Variants in MTOR observed in about 807,000 individuals in gnomAD.
MTOR encodes the protein serine/threonine-protein kinase mTOR.
MTOR carries 70 observed loss-of-function variants against 319.8 expected under a neutral mutation model. That is an observed-to-expected ratio of 0.22 (90% CI 0.18 to 0.27). The LOEUF (loss-of-function observed/expected upper bound fraction) is 0.27, where lower values mean the gene tolerates loss of function less well. MTOR is among the 10% of genes least tolerant of loss of function. The probability of loss-of-function intolerance (pLI) is 1.00; values close to 1 mark genes in which losing one functional copy is unlikely to be tolerated. For missense variants in MTOR, 1,890 were observed against 3,274.4 expected (o/e 0.58, Z 10.32); for synonymous variants, 1,183 against 1,211.4 (o/e 0.98, Z 0.49).
Position 11,193,465 on chromosome 1 carries a change from G to A in MTOR, c.4253+5793C>T, listed in dbSNP as rs551139738. ...TGCCCGAGTGAGCCAGTGTGACTGC[G>A]GGAGTGCACACATCTACTGGCTCTG... On this transcript the variant is annotated intron_variant, in intron 28 of 57. Coordinates refer to ENST00000361445, the MANE Select transcript of MTOR (RefSeq NM_004958.4). 43 of 881,312 alleles carry A rather than the reference G, an allele frequency of 4.9e-5. No homozygotes were observed. In the South Asian group the frequency reaches 6.1e-4, roughly 12 times the overall value. The allele number at this position is 881,312 out of a possible 1,614,324, so 54.6% of individuals were successfully genotyped here.
intron 14 of MTOR, 86 bp from the exon 15 acceptor site, chr1:11,233,573 A>G: frequency 1.0e-6 from 1 of 1,004,172 alleles, no homozygotes; most frequent in East Asian, 2.5e-5. Flanking sequence ...CACCCAAGAG[A>G]CCATCTCAGT....
rs74630019 is a variant in MTOR, at chr1:11,145,283, A to G, written c.4687-238T>C. 5.9e-4 allele frequency: 310 copies of G among 524,550 alleles called. No individual in the cohort carries two copies. In the East Asian group the frequency reaches 9.4e-3, roughly 16 times the overall value. 32.5% of individuals were successfully genotyped at this position (524,550 alleles called of 1,614,324 possible). A position where few individuals can be genotyped will look rare whatever the true frequency, so the allele number is the denominator to read the frequency against. On this transcript the variant is annotated intron_variant, in intron 32 of 57. Transcript: ENST00000361445. ...AAAACTTTAACATCTATCTAAGGTA[A>G]CACACAAAATCTTAGGTGGCAAGGG...
At chr1:11,231,526 T>C in intron 16 of MTOR, 92 bp from the exon 17 acceptor site, 1 of 1,472,762 alleles carries the variant, frequency 6.8e-7, no homozygotes, top group South Asian at 1.3e-5. Context: ...AATGAAGTGT[T>C]AGAGGCTGTA....
intron 14 of MTOR, 26 bp downstream of exon 14, chr1:11,234,117 A>T (rs1399072722): frequency 6.2e-7 from 1 of 1,613,958 alleles, no homozygotes; most frequent in Non-Finnish European, 8.5e-7. Flanking sequence ...GCACAGAGAA[A>T]GCACCAGCCT....
chr1:11,107,875 T>C (rs1641654938), intron 57 of MTOR, among the ~76,000 whole-genome samples: 1 of 152,226 alleles, frequency 6.6e-6, no homozygotes, highest in Admixed American at 6.5e-5. Context: ...ATCTCTGCAC[T>C]GGACTGACAG....
chr1:11,212,421 T>C lies in MTOR; in HGVS notation c.3452A>G (p.Tyr1151Cys), dbSNP rs151082401. The C allele has an allele frequency of 1.8e-4, 285 of 1,614,168 alleles. 1 individual carries two copies. Among genetic ancestry groups the C allele is most frequent in the Middle Eastern group, 3.3e-4 (2 of 6,062 alleles). Residue 1151 changes from tyrosine (Y) to cysteine (C), a missense_variant, in exon 23 of 58, where the codon TAT becomes TGT. Transcript: ENST00000361445. The surrounding 1 kb of genome is among the most constrained non-coding windows in gnomAD (Gnocchi z 4.1). The stretch of plus-strand genomic sequence containing the variant: ...AATAGGGTGAATGATCCGGGAGGCA[T>C]AGTCAGTGAAATCCAGGGACTCCGT... Reference protein sequence around the residue: ...RLTESLDFTDYASRIIHPIVR... With the variant: ...RLTESLDFTDCASRIIHPIVR...
intron 31 of MTOR, among the ~76,000 whole-genome samples, chr1:11,147,692 T>A (rs1570992210): frequency 6.6e-6 from 1 of 152,326 alleles, no homozygotes; most frequent in East Asian, 1.9e-4. Flanking sequence ...GTATAAGCTC[T>A]GTGACTCAAG....
intron 28 of MTOR, among the ~76,000 whole-genome samples, chr1:11,177,990 C>T (rs1645040081): frequency 2.9e-4 from 1 of 3,462 alleles, no homozygotes; most frequent in Non-Finnish European, 8.2e-3. Context: ...GCTGCCTTTT[C>T]ACTAACACAG....
intron 19 of MTOR, among the ~76,000 whole-genome samples, chr1:11,225,404 A>G (rs1275766421): frequency 6.8e-6 from 1 of 147,908 alleles, no homozygotes; most frequent in East Asian, 2.0e-4. Context: ...TAATAGATCA[A>G]CAAGTCAAAA....
chr1:11,256,744 A>T (rs1044285451), intron 4 of MTOR, among the ~76,000 whole-genome samples, 189 bp downstream of exon 4: 5 of 152,114 alleles, frequency 3.3e-5, no homozygotes, highest in Non-Finnish European at 5.9e-5. Flanking sequence ...CACGCAGCTG[A>T]TGCTTCTGAT....
rs750527139 is a variant in MTOR at position 11,241,320 on chromosome 1, CA to C, written c.1541+232del. ...TGGGCGACAGAGCGAGACCCCTTCTCAAAAAAAAAAAAAAAAAAAAATGAGG... is the reference window on the plus strand; with the variant it reads ...TGGGCGACAGAGCGAGACCCCTTCTCAAAAAAAAAAAAAAAAAAAATGAGG... On this transcript the variant is annotated intron_variant, in intron 10 of 57. Coordinates refer to ENST00000361445, the MANE Select transcript of MTOR (RefSeq NM_004958.4). Among the ~76,000 whole-genome samples, 1,640 of 52,952 alleles carry C rather than the reference CA, an allele frequency of 0.031. 28 individuals carry two copies. Among genetic ancestry groups the C allele is most frequent in the African/African-American group, 0.087 (1,410 of 16,292 alleles). The allele number at this position is 52,952 out of a possible 152,430, so 34.7% of individuals were successfully genotyped here.
At chr1:11,150,725 C>G (rs894991613) in intron 30 of MTOR, among the ~76,000 whole-genome samples, 5 of 152,130 alleles carry the variant, frequency 3.3e-5, no homozygotes, top group Admixed American at 2.0e-4. Flanking sequence ...TCACATCTAC[C>G]AGAAGGCTAG....
chr1:11,192,560 A>C (rs1427843621), intron 28 of MTOR, among the ~76,000 whole-genome samples: 2 of 152,120 alleles, frequency 1.3e-5, no homozygotes, highest in Non-Finnish European at 2.9e-5. Flanking sequence ...GTTTAAGACC[A>C]GCCTGGCCAA....
Position 11,108,271 on chromosome 1 carries a change from T to C in MTOR, c.7544A>G (p.His2515Arg). ...CGTTGGAACATCCAAAGTGTCATCA[T>C]GAGAGAAGTCCCGACCTAGCACAGG... ...RDKLTGRDFSHDDTLDVPTQV... is the reference protein window; with the variant it reads ...RDKLTGRDFSRDDTLDVPTQV... Residue 2515 changes from histidine to arginine, a missense_variant, in exon 57 of 58, where the codon CAT becomes CGT. Transcript: ENST00000361445. 1 of 1,613,888 alleles carries C rather than the reference T, an allele frequency of 6.2e-7. No homozygotes were observed.
rs552414386 is a variant in MTOR at position 11,233,179 on chromosome 1, T to C, written c.2421+219A>G. On this transcript the variant is annotated intron_variant, in intron 15 of 57. Coordinates refer to ENST00000361445, the MANE Select transcript of MTOR (RefSeq NM_004958.4). The stretch of plus-strand genomic sequence containing the variant: ...TCTGAAGGTCACAATGATATTACCA[T>C]ATCAAGCTGAAAATGTCACCACTAT... 3.4e-6 allele frequency: 3 copies of C among 876,096 alleles called. No homozygotes were observed. The East Asian group carries it at 7.2e-5, about 21-fold the overall frequency. The allele number at this position is 876,096 out of a possible 1,614,324, so 54.3% of individuals were successfully genotyped here.
At chr1:11,232,054 C>G (rs1647035517) in intron 16 of MTOR, among the ~76,000 whole-genome samples, 1 of 152,202 alleles carries the variant, frequency 6.6e-6, no homozygotes, top group Non-Finnish European at 1.5e-5. Context: ...GTCTAGTCAT[C>G]TAATAGCCTC....
chr1:11,150,229 G>A lies in MTOR; in HGVS notation c.4470-3C>T, dbSNP rs201255391. ...AGCACTGCTGGTGGAGTTGACCCCT[G>A]AAGAAAATGAATTATATAGTCAGAT... is the stretch of plus-strand genomic sequence containing the variant. On this transcript the variant is annotated splice_polypyrimidine_tract_variant and splice_region_variant and intron_variant, in intron 30 of 57. Coordinates refer to ENST00000361445, the MANE Select transcript of MTOR (RefSeq NM_004958.4). The A allele has an allele frequency of 8.6e-5, 138 of 1,611,378 alleles. No individual in the cohort carries two copies. In the African/African-American group the frequency reaches 1.1e-3, roughly 13 times the overall value.
rs1436950597 is a variant in MTOR at position 11,212,345 on chromosome 1, C to A, written c.3528G>T (p.Thr1176=). 2.5e-6 allele frequency: 4 copies of A among 1,613,858 alleles called. No homozygotes were observed. The highest frequency in any genetic ancestry group is 3.4e-6 in the Non-Finnish European group (4 of 1,179,948). ...CCAGCTGAAAAACAAGTGAAGACAGCGTGTCCATGGCTGTGGAGCGCAGTT... is the reference window on the plus strand; with the variant it reads ...CCAGCTGAAAAACAAGTGAAGACAGAGTGTCCATGGCTGTGGAGCGCAGTT... ...SPELRSTAMD[T]LSSLVFQLGK... is the part of the protein sequence containing the mutation. Residue 1176 remains threonine (T), a synonymous_variant, in exon 23 of 58, where the codon ACG becomes ACT. Transcript: ENST00000361445. This position sits in a 1 kb window ranked among gnomAD's most constrained non-coding sequence, Gnocchi z 4.1.
chr1:11,123,266 A>G (rs1300687251), intron 47 of MTOR, among the ~76,000 whole-genome samples: 1 of 152,054 alleles, frequency 6.6e-6, no homozygotes, highest in African/African-American at 2.4e-5. Context: ...AAAAAATATT[A>G]TTTACTTTTT....
Sources: allele counts gnomAD v4.1 joint callset (sites outside exome capture counted in the v4.1 genomes callset), GRCh38; gene constraint gnomAD v4.1.1; non-coding constraint Gnocchi (gnomAD v3.1); transcripts MANE v1.5; gene names NCBI Gene and HGNC (gene_info 2026-07-23, HGNC 2026-07-21).